Variants in CAPN8 observed in about 807,000 individuals in gnomAD.
CAPN8 encodes the protein calpain 8, also known as calpain-8.
CAPN8 carries 87 observed loss-of-function variants against 80.9 expected under a neutral mutation model. The ratio of observed to expected loss-of-function variants is 1.07; its 90% CI spans 0.90 to 1.28. The LOEUF (loss-of-function observed/expected upper bound fraction) is 1.28. CAPN8 is among the 50% of genes most tolerant of loss of function. The probability of loss-of-function intolerance (pLI) is 0.00; values close to 1 mark genes in which losing one functional copy is unlikely to be tolerated. For synonymous variants in CAPN8, 299 were observed against 273.8 expected (o/e 1.09, Z -0.91); for missense variants, 757 against 702.0 (o/e 1.08, Z -0.89).
At chr1:223,627,253 G>T in intron 4 of CAPN8, 96 bp from the exon 5 acceptor site, 1 of 1,310,750 alleles carries the variant, frequency 7.6e-7, no homozygotes, top group Non-Finnish European at 1.0e-6. Flanking sequence ...ACTGTGGCCT[G>T]GAAGATAAAG....
At chr1:223,656,828 C>T (rs937290066) in intron 1 of CAPN8, among the ~76,000 whole-genome samples, 2 of 151,800 alleles carry the variant, frequency 1.3e-5, no homozygotes, top group African/African-American at 2.4e-5. Flanking sequence ...GGACTACAGG[C>T]GCCCACCACC....
rs139708535 is a variant in CAPN8, at chr1:223,645,573, C to T, written c.307+8757G>A. Among the ~76,000 whole-genome samples the T allele has an allele frequency of 2.6e-5, 4 of 152,288 alleles. No individual in the cohort carries two copies. In the East Asian group the frequency reaches 7.7e-4, roughly 29 times the overall value. On this transcript the variant is annotated intron_variant, in intron 2 of 20. Coordinates refer to ENST00000366872, the MANE Select transcript of CAPN8 (RefSeq NM_001143962.2). ...TCTGAAGGGGGTGGGGGGACCACTC[C>T]AGGCATTGCCCTGTTAAATGATGGA...
intron 2 of CAPN8, among the ~76,000 whole-genome samples, chr1:223,652,453 C>T (rs147163976): frequency 1.1e-3 from 163 of 152,246 alleles, no homozygotes; most frequent in Non-Finnish European, 2.0e-3. Context: ...AACATTAATC[C>T]ATATCAGGCC....
chr1:223,662,668 T>G (rs548940497), intron 1 of CAPN8, among the ~76,000 whole-genome samples: 1 of 152,306 alleles, frequency 6.6e-6, no homozygotes, highest in South Asian at 2.1e-4. Context: ...AAATTTTATG[T>G]TATGTGTATC....
chr1:223,545,950 G>A (rs1366362712), intron 16 of CAPN8, among the ~76,000 whole-genome samples: 1 of 143,816 alleles, frequency 7.0e-6, no homozygotes, highest in Non-Finnish European at 1.5e-5. Flanking sequence ...AGTCTCCCAA[G>A]TAGCAGGGAT....
At chr1:223,625,991 G>T (rs918381222) in intron 5 of CAPN8, 103 bp from the exon 6 acceptor site, 5 of 852,126 alleles carry the variant, frequency 5.9e-6, no homozygotes, top group African/African-American at 1.7e-5. Context: ...GGGGGCTTCA[G>T]TGTGGGACTA....
chr1:223,662,641 G>C (rs1235185137), intron 1 of CAPN8, among the ~76,000 whole-genome samples: 1 of 152,196 alleles, frequency 6.6e-6, no homozygotes, highest in Non-Finnish European at 1.5e-5. Flanking sequence ...TGTGCATTTA[G>C]AAGGGGTTAA....
chr1:223,611,176 C>T (rs1478284396), intron 11 of CAPN8, among the ~76,000 whole-genome samples: 1 of 152,148 alleles, frequency 6.6e-6, no homozygotes, highest in East Asian at 1.9e-4. Context: ...AGACTTAAAT[C>T]AGCTTTGGTT....
intron 1 of CAPN8, among the ~76,000 whole-genome samples, chr1:223,662,403 C>T (rs752295213): frequency 1.3e-5 from 2 of 151,680 alleles, no homozygotes; most frequent in African/African-American, 2.4e-5. Context: ...GAGCCAAGAT[C>T]GCGCCACTGC....
chr1:223,549,263 T>G, intron 16 of CAPN8, 55 bp downstream of exon 16: 2 of 1,535,066 alleles, frequency 1.3e-6, no homozygotes, highest in Non-Finnish European at 1.7e-6. Flanking sequence ...TGGAGGAGTC[T>G]TTAAAAACCG....
rs572494339 is a variant in CAPN8 at position 223,662,305 on chromosome 1, C to T, written c.237+3105G>A. On this transcript the variant is annotated intron_variant, in intron 1 of 20. Coordinates refer to ENST00000366872, the MANE Select transcript of CAPN8 (RefSeq NM_001143962.2). ...TCTACTAAAAGTACAAAAAATTAGC[C>T]AGGCTTGGTGGCAGGTGCCTGTAAT... Among the ~76,000 whole-genome samples the T allele has an allele frequency of 8.7e-4, 133 of 152,058 alleles. 1 individual carries two copies. The highest frequency in any genetic ancestry group is 3.0e-3 in the African/African-American group (125 of 41,492).
intron 10 of CAPN8, among the ~76,000 whole-genome samples, chr1:223,613,926 T>C (rs1198771932): frequency 6.6e-6 from 1 of 152,252 alleles, no homozygotes; most frequent in African/African-American, 2.4e-5. Context: ...CTCTAAATTA[T>C]ATGCCTGTGG....
At chr1:223,634,913 A>G (rs1315562281) in intron 2 of CAPN8, among the ~76,000 whole-genome samples, 1 of 152,216 alleles carries the variant, frequency 6.6e-6, no homozygotes, top group African/African-American at 2.4e-5. Context: ...TGAAAGCAAT[A>G]TTTATCCAAG....
intron 19 of CAPN8, 60 bp downstream of exon 19, chr1:223,544,007 C>A: frequency 1.4e-6 from 1 of 709,578 alleles, no homozygotes; most frequent in Non-Finnish European, 2.6e-6. Flanking sequence ...TTGGCCCTGC[C>A]CCTGCCCCAC....
chr1:223,548,781 A>T (rs547756009), intron 16 of CAPN8, among the ~76,000 whole-genome samples: 43 of 152,330 alleles, frequency 2.8e-4, no homozygotes, highest in African/African-American at 1.0e-3. Context: ...CCATACTTCA[A>T]TATCAAGTGA....
In CAPN8 at chr1:223,628,645, A is replaced by G. The variant is rs61825210; in HGVS notation, c.426+17T>C. On this transcript the variant is annotated intron_variant, in intron 3 of 20. Coordinates refer to ENST00000366872, the MANE Select transcript of CAPN8 (RefSeq NM_001143962.2). The stretch of plus-strand genomic sequence containing the variant: ...ATACGGAAAACAGCAACAAAGGGCC[A>G]GAGCAGAGCACAGTACCTGAAAGTG... 1,171,674 of 1,536,200 alleles carry G rather than the reference A, an allele frequency of 0.76. 449,119 individuals carry two copies. The highest frequency in any genetic ancestry group is 0.94 in the African/African-American group (68,488 of 72,822).
chr1:223,631,721 A>G (rs548438871), intron 2 of CAPN8, among the ~76,000 whole-genome samples: 4 of 152,222 alleles, frequency 2.6e-5, no homozygotes, highest in Non-Finnish European at 5.9e-5. Context: ...GGGAAGTGGC[A>G]TTCAACAAGA....
chr1:223,541,821 G>T lies in CAPN8; in HGVS notation c.*15C>A. ...CAGTGGGGCAGGGAGTGTCACTGAT[G>T]TCCGAAACCCCGGGTCAGACCAACA... is the stretch of plus-strand genomic sequence containing the variant. On this transcript the variant is annotated 3_prime_UTR_variant, in exon 21 of 21. Transcript: ENST00000366872. 6.4e-7 allele frequency: 1 copy of T among 1,551,546 alleles called. No homozygotes were observed.
intron 2 of CAPN8, among the ~76,000 whole-genome samples, chr1:223,652,573 A>G (rs1207113631): frequency 1.3e-5 from 2 of 152,004 alleles, no homozygotes; most frequent in Non-Finnish European, 2.9e-5. Context: ...ACTGTTCAGG[A>G]CCAGCCCTGA....
Sources: gnomAD v4.1 joint callset for allele counts (sites outside exome capture counted in the v4.1 genomes callset) on GRCh38, gnomAD v4.1.1 for gene constraint, MANE v1.5 for transcripts, NCBI Gene and HGNC (gene_info 2026-07-23, HGNC 2026-07-21) for gene names.